AGBL4: variants seen among roughly 807,000 people sequenced by gnomAD.
AGBL4 encodes the protein cytosolic carboxypeptidase 6.
In AGBL4, 58 loss-of-function variants were observed where a neutral mutation model predicts 66.4. That is an observed-to-expected ratio of 0.87 (90% CI 0.71 to 1.09). AGBL4 has a LOEUF of 1.09. Ranked by LOEUF, AGBL4 falls within the 50% of genes least tolerant of loss-of-function variation. AGBL4 has a pLI of 0.00. For synonymous variants in AGBL4, 234 were observed against 222.9 expected (o/e 1.05, Z -0.44); for missense variants, 579 against 631.0 (o/e 0.92, Z 0.88).
At chr1:49,831,619 T>C (rs1291498378) in intron 2 of AGBL4, among the ~76,000 whole-genome samples, 1 of 152,198 alleles carries the variant, frequency 6.6e-6, no homozygotes, top group East Asian at 1.9e-4. Context: ...TCTTGCCTAA[T>C]TGCCCTGGCC....
chr1:49,792,047 A>G (rs563644467), intron 2 of AGBL4, among the ~76,000 whole-genome samples: 45 of 152,112 alleles, frequency 3.0e-4, no homozygotes, highest in Non-Finnish European at 8.8e-5. Context: ...TAAAATTACT[A>G]CAAGAAATGC....
intron 4 of AGBL4, among the ~76,000 whole-genome samples, chr1:49,077,260 T>C (rs1300331213): frequency 6.6e-6 from 1 of 152,134 alleles, no homozygotes; most frequent in Admixed American, 6.6e-5. Context: ...TATAAAAATA[T>C]TTAGATTTTG....
At chr1:49,996,622 A>G (rs999206578) in intron 1 of AGBL4, among the ~76,000 whole-genome samples, 11 of 152,216 alleles carry the variant, frequency 7.2e-5, no homozygotes, top group African/African-American at 2.7e-4. Context: ...GAAATCTAAA[A>G]GTTTGGAAAA....
chr1:49,608,153 A>G (rs1645093198), intron 3 of AGBL4, among the ~76,000 whole-genome samples: 1 of 152,138 alleles, frequency 6.6e-6, no homozygotes, highest in Non-Finnish European at 1.5e-5. Context: ...GTAGGAGTTC[A>G]CTAGGTAGAG....
intron 4 of AGBL4, among the ~76,000 whole-genome samples, chr1:49,227,971 G>A (rs1431709855): frequency 6.6e-6 from 1 of 152,026 alleles, no homozygotes; most frequent in Non-Finnish European, 1.5e-5. Context: ...CAGCACTCAA[G>A]TACATGAGAA....
intron 7 of AGBL4, among the ~76,000 whole-genome samples, chr1:48,659,592 C>T (rs955349051): frequency 3.7e-4 from 56 of 152,336 alleles, no homozygotes; most frequent in African/African-American, 1.3e-3. Flanking sequence ...ACAAGGTCAA[C>T]AAGGTCTAGG....
chr1:49,936,864 G>A lies in AGBL4; in HGVS notation c.35-85346C>T, dbSNP rs576646098. On this transcript the variant is annotated intron_variant, in intron 1 of 13. Transcript: ENST00000371839. ...GCACTAAACAAGGAAAGGAACAACC[G>A]GTACCAGCCACTACAAAATCATGCC... 3.8e-4 allele frequency among the ~76,000 whole-genome samples: 58 copies of A among 152,194 alleles called. 2 individuals are homozygous for A. The South Asian group carries it at 8.9e-3, about 23-fold the overall frequency.
intron 3 of AGBL4, among the ~76,000 whole-genome samples, chr1:49,667,721 G>T (rs1027356803): frequency 2.0e-5 from 3 of 151,946 alleles, no homozygotes; most frequent in Admixed American, 2.0e-4. Flanking sequence ...TGAACTAGAA[G>T]CAAAAATAAC....
intron 3 of AGBL4, among the ~76,000 whole-genome samples, chr1:49,383,337 C>G (rs1255690424): frequency 6.6e-6 from 1 of 151,810 alleles, no homozygotes; most frequent in Non-Finnish European, 1.5e-5. Context: ...ACTGAATGGC[C>G]AAAATAATCT....
In AGBL4 at chr1:48,758,335, T is replaced by C. The variant is rs529007002; in HGVS notation, c.635-95094A>G. 5.9e-5 allele frequency among the ~76,000 whole-genome samples: 9 copies of C among 152,282 alleles called. No individual in the cohort carries two copies. The South Asian group carries it at 1.9e-3, about 32-fold the overall frequency. Reference sequence around the variant, plus strand: ...ATTCCTCTTAGTGTGCTCCAGGTATTTGCCCATGCTCACCAGTGCTGCTCA... The same window carrying C: ...ATTCCTCTTAGTGTGCTCCAGGTATCTGCCCATGCTCACCAGTGCTGCTCA... On this transcript the variant is annotated intron_variant, in intron 6 of 13. Coordinates refer to ENST00000371839, the MANE Select transcript of AGBL4 (RefSeq NM_032785.4).
intron 2 of AGBL4, among the ~76,000 whole-genome samples, chr1:49,717,765 C>G (rs1427405439): frequency 6.6e-6 from 1 of 151,988 alleles, no homozygotes; most frequent in Non-Finnish European, 1.5e-5. Flanking sequence ...TCTGGCCTAA[C>G]TAGATATTCA....
intron 6 of AGBL4, among the ~76,000 whole-genome samples, chr1:48,845,633 G>A (rs1646892196): frequency 6.6e-6 from 1 of 152,212 alleles, no homozygotes; most frequent in South Asian, 2.1e-4. Flanking sequence ...AACTTAGCTA[G>A]CATTGTACCC....
chr1:48,753,487 C>A (rs1213164626), intron 6 of AGBL4, among the ~76,000 whole-genome samples: 3 of 152,188 alleles, frequency 2.0e-5, no homozygotes, highest in Non-Finnish European at 4.4e-5. Flanking sequence ...GAAACCAGTT[C>A]AGACTGCAAA....
At chr1:49,364,534 G>A (rs1001106817) in intron 3 of AGBL4, among the ~76,000 whole-genome samples, 6 of 151,644 alleles carry the variant, frequency 4.0e-5, no homozygotes, top group Non-Finnish European at 8.8e-5. Flanking sequence ...GCTGGAGTCA[G>A]TGGCAAGATC....
intron 4 of AGBL4, among the ~76,000 whole-genome samples, chr1:49,082,940 G>C (rs1644833944): frequency 6.6e-6 from 1 of 152,182 alleles, no homozygotes. Context: ...AAAACAAAGA[G>C]GCTGCAGGCC....
chr1:49,102,033 G>C (rs898528477), intron 4 of AGBL4, among the ~76,000 whole-genome samples: 1 of 148,602 alleles, frequency 6.7e-6, no homozygotes, highest in Admixed American at 6.7e-5. Flanking sequence ...GAGAGAGATA[G>C]AGAGAGAGAG....
At chr1:49,659,971 G>A (rs1040260550) in intron 3 of AGBL4, among the ~76,000 whole-genome samples, 5 of 151,890 alleles carry the variant, frequency 3.3e-5, no homozygotes, top group Non-Finnish European at 5.9e-5. Flanking sequence ...AAAAGACTTC[G>A]ATGTAAAACC....
intron 5 of AGBL4, among the ~76,000 whole-genome samples, chr1:48,878,039 A>G (rs557994593): frequency 6.6e-6 from 1 of 152,348 alleles, no homozygotes; most frequent in Admixed American, 6.5e-5. Context: ...AAGAAATATT[A>G]CTATAGTAAT....
intron 3 of AGBL4, among the ~76,000 whole-genome samples, chr1:49,659,168 A>C (rs1646217865): frequency 6.6e-6 from 1 of 152,152 alleles, no homozygotes; most frequent in South Asian, 2.1e-4. Context: ...AGGAAGCATT[A>C]AATATGGAAA....
Sources: allele counts gnomAD v4.1 joint callset (sites outside exome capture counted in the v4.1 genomes callset), GRCh38; gene constraint gnomAD v4.1.1; transcripts MANE v1.5; gene names NCBI Gene and HGNC (gene_info 2026-07-23, HGNC 2026-07-21).